Variants in ASB3 observed in about 807,000 individuals in gnomAD.
ASB3 encodes the protein ankyrin repeat and SOCS box containing 3.
ASB3 carries 41 observed loss-of-function variants against 54.5 expected under a neutral mutation model. The observed-to-expected ratio is 0.75, with a 90% CI of 0.59 to 0.98. ASB3 has a LOEUF of 0.98. Among genes scored for constraint, ASB3 ranks in the 50% least tolerant of loss-of-function variants. The pLI is 0.00. For missense variants in ASB3, 733 were observed against 620.0 expected, an observed-to-expected ratio of 1.18 and a Z score of -1.94; for synonymous variants, 266 against 221.2, an observed-to-expected ratio of 1.20 and a Z score of -1.80.
intron 9 of ASB3, among the ~76,000 whole-genome samples, chr2:53,683,652 T>C (rs1215941916): frequency 2.0e-5 from 3 of 152,152 alleles, no homozygotes; most frequent in Non-Finnish European, 4.4e-5. Flanking sequence ...TTCAATCTTA[T>C]TACTTGTTAT....
intron 9 of ASB3, among the ~76,000 whole-genome samples, chr2:53,689,283 A>T (rs1313127252): frequency 6.6e-6 from 1 of 152,208 alleles, no homozygotes; most frequent in African/African-American, 2.4e-5. Context: ...GAGCATTACC[A>T]TAAGGTTGAA....
intron 2 of ASB3, among the ~76,000 whole-genome samples, chr2:53,761,475 C>G (rs1439777206): frequency 6.6e-6 from 1 of 152,098 alleles, no homozygotes. Context: ...CTAGGACATG[C>G]ATCTTCTCCT....
At chr2:53,706,939 AG>A (rs1200221755) in intron 7 of ASB3, among the ~76,000 whole-genome samples, 2 of 152,236 alleles carry the variant, frequency 1.3e-5, no homozygotes, top group Non-Finnish European at 2.9e-5. Context: ...TATTGTCTTT[AG>A]GAACACTGGG....
chr2:53,689,399 C>T (rs1668794589), intron 9 of ASB3, among the ~76,000 whole-genome samples: 1 of 152,142 alleles, frequency 6.6e-6, no homozygotes, highest in African/African-American at 2.4e-5. Context: ...GAGCAAGATA[C>T]ATGTTCTTGC....
intron 1 of ASB3, among the ~76,000 whole-genome samples, chr2:53,785,973 T>TA (rs3841310): frequency 0.056 from 8,573 of 151,968 alleles, 448 homozygotes; most frequent in East Asian, 0.28. Context: ...TTCCTGATGT[T>TA]AAAAAAAAAT....
chr2:53,676,479 G>A lies in ASB3; in HGVS notation c.1370-5789C>T, dbSNP rs545555398. On this transcript the variant is annotated intron_variant, in intron 9 of 9. Coordinates refer to ENST00000263634, the MANE Select transcript of ASB3 (RefSeq NM_016115.5). ...GCGTAAGGATATTTTAGTAAACGAC[G>A]GACCACATATACGATGGTGGCCCCA... is the stretch of plus-strand genomic sequence containing the variant. Among the ~76,000 whole-genome samples, 5 of 152,206 alleles carry A rather than the reference G, an allele frequency of 3.3e-5. No individual in the cohort carries two copies. The South Asian group carries it at 8.3e-4, about 25-fold the overall frequency.
chr2:53,693,843 G>A, intron 9 of ASB3, 41 bp downstream of exon 9: 1 of 1,588,708 alleles, frequency 6.3e-7, no homozygotes, highest in African/African-American at 1.3e-5. Context: ...AGCAAGAGAA[G>A]GAAAAGTAGT....
At chr2:53,675,373 T>A (rs1473153905) in intron 9 of ASB3, among the ~76,000 whole-genome samples, 1 of 152,216 alleles carries the variant, frequency 6.6e-6, no homozygotes. Context: ...ATAAGATATA[T>A]ACTTTAAATA....
chr2:53,763,164 T>G (rs531008993), intron 2 of ASB3, among the ~76,000 whole-genome samples: 7 of 152,284 alleles, frequency 4.6e-5, no homozygotes, highest in African/African-American at 1.7e-4. Flanking sequence ...GGAGGATCAC[T>G]TGAGCCAAGG....
chr2:53,680,830 T>C lies in ASB3; in HGVS notation c.1370-10140A>G, dbSNP rs569508229. Among the ~76,000 whole-genome samples, 46 of 152,260 alleles carry C rather than the reference T, an allele frequency of 3.0e-4. 1 individual carries two copies. The South Asian group carries it at 8.5e-3, about 28-fold the overall frequency. Reference sequence around the variant, plus strand: ...AAATAGATCTTATTCATTCTAACTATATTTTTGTATCCATTAACCATCCCC... The same window carrying C: ...AAATAGATCTTATTCATTCTAACTACATTTTTGTATCCATTAACCATCCCC... On this transcript the variant is annotated intron_variant, in intron 9 of 9. Coordinates refer to ENST00000263634, the MANE Select transcript of ASB3 (RefSeq NM_016115.5).
intron 9 of ASB3, among the ~76,000 whole-genome samples, chr2:53,684,864 G>A (rs1668553409): frequency 6.6e-6 from 1 of 152,186 alleles, no homozygotes; most frequent in Non-Finnish European, 1.5e-5. Flanking sequence ...AGAGTGTCAG[G>A]AAACATAACG....
chr2:53,710,166 G>T (rs1016814596), intron 7 of ASB3, among the ~76,000 whole-genome samples: 1 of 152,214 alleles, frequency 6.6e-6, no homozygotes, highest in East Asian at 1.9e-4. Context: ...AGAAACTCCA[G>T]AAGCTGCATG....
intron 3 of ASB3, among the ~76,000 whole-genome samples, chr2:53,744,103 G>A (rs550825408): frequency 2.6e-5 from 4 of 151,088 alleles, no homozygotes; most frequent in African/African-American, 9.7e-5. Context: ...GTGGCTGGGC[G>A]CAGTGGCTCA....
intron 2 of ASB3, 151 bp downstream of exon 2, chr2:53,765,226 C>G: frequency 8.6e-7 from 1 of 1,160,632 alleles, no homozygotes; most frequent in Non-Finnish European, 1.2e-6. Context: ...GGCAGGCAAT[C>G]TTACTATCCT....
intron 3 of ASB3, among the ~76,000 whole-genome samples, chr2:53,735,285 G>A (rs1671559693): frequency 6.6e-6 from 1 of 151,984 alleles, no homozygotes; most frequent in African/African-American, 2.4e-5. Context: ...TCATCTCTAG[G>A]CGAATGATTG....
chr2:53,759,252 G>A (rs566565189), intron 2 of ASB3, among the ~76,000 whole-genome samples: 4 of 152,180 alleles, frequency 2.6e-5, no homozygotes, highest in African/African-American at 7.2e-5. Context: ...GCTAACTTGC[G>A]TGCAAGAAGG....
intron 5 of ASB3, among the ~76,000 whole-genome samples, chr2:53,719,842 G>A (rs1024541647): frequency 2.6e-5 from 4 of 152,162 alleles, no homozygotes; most frequent in East Asian, 1.9e-4. Context: ...GGGGAGGATC[G>A]CTTGAGCTCA....
intron 1 of ASB3, among the ~76,000 whole-genome samples, chr2:53,776,350 C>T (rs1285922380): frequency 6.6e-6 from 1 of 152,090 alleles, no homozygotes; most frequent in Non-Finnish European, 1.5e-5. Context: ...TCTTTCTTTC[C>T]AGGCAATTAG....
At chr2:53,704,558 T>C (rs1669667976) in intron 7 of ASB3, among the ~76,000 whole-genome samples, 2 of 152,110 alleles carry the variant, frequency 1.3e-5, no homozygotes, top group African/African-American at 4.8e-5. Context: ...GCTTCAATTT[T>C]TTTCCCTCAG....
Sources: allele counts gnomAD v4.1 joint callset (sites outside exome capture counted in the v4.1 genomes callset), GRCh38; gene constraint gnomAD v4.1.1; transcripts MANE v1.5; gene names NCBI Gene and HGNC (gene_info 2026-07-23, HGNC 2026-07-21).